Variants in VEZF1 observed in about 807,000 individuals in gnomAD.
VEZF1 encodes putative transcription factor DB1.
In VEZF1, 5 loss-of-function variants were observed where a neutral mutation model predicts 44.1. The observed-to-expected ratio is 0.11, with a 90% confidence interval of 0.06 to 0.24. The LOEUF (loss-of-function observed/expected upper bound fraction) is 0.24, where lower values mean the gene tolerates loss of function less well. VEZF1 is among the 10% of genes least tolerant of loss of function. The probability of loss-of-function intolerance (pLI) is 1.00; values close to 1 mark genes in which losing one functional copy is unlikely to be tolerated. For synonymous variants in VEZF1, 236 were observed against 233.1 expected (o/e 1.01, Z -0.11); for missense variants, 358 against 641.8 (o/e 0.56, Z 4.78).
intron 5 of VEZF1, among the ~76,000 whole-genome samples, chr17:57,976,753 G>T (rs1348479854): frequency 1.3e-5 from 2 of 152,054 alleles, no homozygotes; most frequent in Admixed American, 6.5e-5. Context: ...CAGAAGATGA[G>T]CTAAACAACC....
intron 3 of VEZF1, 125 bp from the exon 4 acceptor site, chr17:57,980,911 G>T: frequency 1.2e-6 from 1 of 852,382 alleles, no homozygotes. Flanking sequence ...AATTTTAATT[G>T]CATATGTTAC....
intron 2 of VEZF1, 76 bp downstream of exon 2, chr17:57,982,623 C>A: frequency 7.1e-7 from 1 of 1,405,944 alleles, no homozygotes; most frequent in Non-Finnish European, 9.6e-7. Flanking sequence ...CATAAACATT[C>A]TAGATCACAT....
rs2075173284 is a variant in VEZF1, at chr17:57,974,859, G to A, written c.1180C>T (p.Pro394Ser). ...LCQTSTAATT[P>S]VTLTTPFSIT... ...CTGAATGGAGTAGTGAGAGTCACAG[G>A]TGTCGTAGCAGCCGTGGAGGTTTGG... The change falls in exon 6 of 6, where the codon CCT (proline) becomes TCT (serine). Residue 394 changes from proline (P) to serine (S), a missense_variant. Around this residue, in one of 4 missense-constraint regions of VEZF1, gnomAD observed 171 missense variants for 272.4 expected, o/e 0.63. Coordinates refer to ENST00000581208, the MANE Select transcript of VEZF1 (RefSeq NM_007146.3). 1.2e-6 allele frequency: 2 copies of A among 1,614,042 alleles called. No homozygotes were observed. Among genetic ancestry groups the A allele is most frequent in the Admixed American group, 3.3e-5 (2 of 60,000 alleles).
chr17:57,985,433 C>T, intron 1 of VEZF1: 3 of 1,223,526 alleles, frequency 2.5e-6, no homozygotes, highest in Non-Finnish European at 3.1e-6. Flanking sequence ...AAGAAGCCTT[C>T]TAAGGGGGAA....
chr17:57,976,640 GACATTT>G (rs1425855446), intron 5 of VEZF1, among the ~76,000 whole-genome samples: 1 of 152,030 alleles, frequency 6.6e-6, no homozygotes. Context: ...TCTAAAATGT[GACATTT>G]ACTAACATGA....
In VEZF1 at chr17:57,988,113, G is replaced by T; in HGVS notation, c.-2C>A. ...GAACGCGGTCCAGTTGGCCTCCATGGCTGCGGCGGCCGACCCCCCTCCTCC... is the reference window on the plus strand; with the variant it reads ...GAACGCGGTCCAGTTGGCCTCCATGTCTGCGGCGGCCGACCCCCCTCCTCC... On this transcript the variant is annotated 5_prime_UTR_variant, in exon 1 of 6. Transcript: ENST00000581208. The T allele has an allele frequency of 1.2e-6, 1 of 848,664 alleles. No homozygotes were observed. The highest frequency in any genetic ancestry group is 1.5e-6 in the Non-Finnish European group (1 of 663,818). The allele number at this position is 848,664 out of a possible 1,614,324, so 52.6% of individuals were successfully genotyped here. A position where few individuals can be genotyped will look rare whatever the true frequency, so the allele number is the denominator to read the frequency against.
rs138088904 is a variant in VEZF1 at position 57,979,243 on chromosome 17, T to C, written c.1047A>G (p.Gln349=). 8.8e-4 allele frequency: 1,406 copies of C among 1,596,964 alleles called. 1 individual carries two copies. Among genetic ancestry groups the C allele is most frequent in the Non-Finnish European group, 1.0e-3 (1,201 of 1,168,770 alleles). ...TTGTCACATGTTGTTGTTGTTGTTG[T>C]TGCTGCTGCTGCTGCTGCTGCTGCT... ...QQQQQQQQQQ[Q]QQQQQHVTSW... Residue 349 remains glutamine, a synonymous_variant, in exon 5 of 6, where the codon CAA becomes CAG. Coordinates refer to ENST00000581208, the MANE Select transcript of VEZF1 (RefSeq NM_007146.3).
At position 57,983,098 on chromosome 17, in the gene VEZF1, G is replaced by A. The variant is rs2075265736; in HGVS notation, c.329C>T (p.Thr110Ile). ...GGTAGAGATAAGGGGAACCACCGTG[G>A]TGGGGGTTTTCTTTGGCCGGGACAC... ...KLVSRPKKTP[T>I]TVVPLISTIA... The change falls in exon 2 of 6, where the codon ACC becomes ATC. Residue 110 changes from threonine to isoleucine, a missense_variant. Thr to Ile is a moderately conservative substitution (Grantham distance 89). This residue lies in a region of VEZF1 where 117 missense variants were observed against 207.2 expected (regional missense o/e 0.56). Coordinates refer to ENST00000581208, the MANE Select transcript of VEZF1 (RefSeq NM_007146.3). The A allele has an allele frequency of 1.9e-5, 31 of 1,614,116 alleles. No individual in the cohort carries two copies. Among genetic ancestry groups the A allele is most frequent in the Non-Finnish European group, 2.6e-5 (31 of 1,180,044 alleles).
chr17:57,980,139 C>T (rs2075235252), intron 4 of VEZF1, among the ~76,000 whole-genome samples: 1 of 152,048 alleles, frequency 6.6e-6, no homozygotes, highest in African/African-American at 2.4e-5. Context: ...CTTGTGGCCA[C>T]CTATTTTTTT....
intron 4 of VEZF1, 117 bp from the exon 5 acceptor site, chr17:57,979,430 T>C: frequency 2.1e-6 from 3 of 1,460,816 alleles, no homozygotes; most frequent in Admixed American, 2.2e-5. Flanking sequence ...TAGCTCTTAG[T>C]AAGTGCATCT....
intron 1 of VEZF1, among the ~76,000 whole-genome samples, chr17:57,987,246 C>A (rs1250796194): frequency 6.6e-6 from 1 of 152,150 alleles, no homozygotes; most frequent in East Asian, 1.9e-4. Flanking sequence ...GGGAGAAGGT[C>A]GGGCCTCCAG....
intron 2 of VEZF1, 93 bp from the exon 3 acceptor site, chr17:57,982,029 G>C (rs1414671524): frequency 2.9e-6 from 4 of 1,387,876 alleles, no homozygotes; most frequent in Non-Finnish European, 4.0e-6. Context: ...ATTGGGAAGG[G>C]GTGCATTTTA....
At chr17:57,981,989 C>T in intron 2 of VEZF1, 53 bp from the exon 3 acceptor site, 4 of 1,574,362 alleles carry the variant, frequency 2.5e-6, no homozygotes, top group East Asian at 2.2e-5. Flanking sequence ...TAGAGAAATG[C>T]TACTTATGTG....
intron 5 of VEZF1, among the ~76,000 whole-genome samples, chr17:57,976,450 A>T (rs1224200886): frequency 6.6e-6 from 1 of 152,080 alleles, no homozygotes; most frequent in Non-Finnish European, 1.5e-5. Flanking sequence ...AAAACAAAGG[A>T]CTCCAGGAGA....
At chr17:57,979,127 T>G (rs1477715853) in intron 5 of VEZF1, 25 bp downstream of exon 5, 1 of 1,607,794 alleles carries the variant, frequency 6.2e-7, no homozygotes, top group South Asian at 1.1e-5. Context: ...TAGCCATATT[T>G]TCAACACTGG....
At chr17:57,980,563 T>C (rs1220936526) in intron 4 of VEZF1, 40 bp downstream of exon 4, 3 of 1,548,788 alleles carry the variant, frequency 1.9e-6, no homozygotes, top group African/African-American at 2.7e-5. Context: ...ATTTCACCCA[T>C]CTGAAATATA....
In VEZF1 at chr17:57,974,278, T is replaced by C. The variant is rs2075166224; in HGVS notation, c.*195A>G. Reference sequence around the variant, plus strand: ...AAAGGAATTTCTGATTAAACTAAAGTGGTCCAGTGATAAGTTACATACACA... The same window carrying C: ...AAAGGAATTTCTGATTAAACTAAAGCGGTCCAGTGATAAGTTACATACACA... On this transcript the variant is annotated 3_prime_UTR_variant, in exon 6 of 6. Transcript: ENST00000581208. The C allele has an allele frequency of 1.6e-6, 1 of 623,992 alleles. No homozygotes were observed. Among genetic ancestry groups the C allele is most frequent in the African/African-American group, 1.8e-5 (1 of 54,434 alleles). 38.7% of individuals were successfully genotyped at this position (623,992 alleles called of 1,614,324 possible).
chr17:57,980,843 G>T lies in VEZF1; in HGVS notation c.793-57C>A, dbSNP rs770093091. The T allele has an allele frequency of 2.6e-6, 4 of 1,568,058 alleles. No homozygotes were observed. In the Admixed American group the frequency reaches 7.2e-5, roughly 28 times the overall value. ...TAGACTATCCTGTTCTACTCATTTT[G>T]AAGTACGTTATATTCTGTGCATTAC... On this transcript the variant is annotated intron_variant, in intron 3 of 5. Transcript: ENST00000581208.
Position 57,982,681 on chromosome 17 carries a change from CA to C in VEZF1, c.728+17del. ...GATACCATAATGAAGCAAAGCAAAG[CA>C]AAGCAAAATGCAGTACCTTGAGAAG... On this transcript the variant is annotated intron_variant, in intron 2 of 5. Transcript: ENST00000581208. 1 of 1,583,652 alleles carries C rather than the reference CA, an allele frequency of 6.3e-7. No individual in the cohort carries two copies. Among genetic ancestry groups the C allele is most frequent in the Non-Finnish European group, 8.6e-7 (1 of 1,166,686 alleles).
Sources: gnomAD v4.1 joint callset for allele counts (sites outside exome capture counted in the v4.1 genomes callset) on GRCh38, gnomAD v4.1.1 for gene constraint, gnomAD v4.1.1 regional missense constraint, MANE v1.5 for transcripts, NCBI Gene and HGNC (gene_info 2026-07-23, HGNC 2026-07-21) for gene names.